DENND4A: variants seen among roughly 807,000 people sequenced by gnomAD.
The protein encoded by DENND4A is C-myc promoter-binding protein.
Under a neutral mutation model 199.3 loss-of-function variants are expected in DENND4A, and 70 were observed. That is an observed-to-expected ratio of 0.35 (90% CI 0.29 to 0.43). The LOEUF (loss-of-function observed/expected upper bound fraction) is 0.43, where lower values mean the gene tolerates loss of function less well. Ranked by LOEUF, DENND4A falls within the 20% of genes least tolerant of loss-of-function variation. The pLI, the probability that DENND4A is intolerant of heterozygous loss-of-function variation, is 1.00. For missense variants in DENND4A, 1,723 were observed against 2,255.8 expected, an observed-to-expected ratio of 0.76 and a Z score of 4.78; for synonymous variants, 686 against 766.9, an observed-to-expected ratio of 0.89 and a Z score of 1.74.
intron 14 of DENND4A, among the ~76,000 whole-genome samples, chr15:65,714,698 G>A (rs1028726475): frequency 6.6e-6 from 1 of 152,192 alleles, no homozygotes; most frequent in African/African-American, 2.4e-5. Context: ...ACTGCATGTT[G>A]TGCTCACCTT....
chr15:65,771,931 T>C, intron 1 of DENND4A: 1 of 1,607,916 alleles, frequency 6.2e-7, no homozygotes, highest in South Asian at 1.1e-5. Context: ...AAGCTTTCTA[T>C]AAGCTTTTTT....
intron 9 of DENND4A, among the ~76,000 whole-genome samples, chr15:65,729,984 T>C (rs1404389718): frequency 1.3e-5 from 2 of 152,178 alleles, no homozygotes; most frequent in Non-Finnish European, 2.9e-5. Context: ...ATCTGTCATA[T>C]AATGTCCAAA....
In DENND4A at chr15:65,729,209, A is replaced by G. The variant is rs1229113304; in HGVS notation, c.1350T>C (p.Pro450=). The change falls in exon 11 of 33, where the codon CCT becomes CCC. Residue 450 remains proline, a synonymous_variant. Transcript: ENST00000443035. Reference sequence around the variant, plus strand: ...CATCTGCTAAAGCCAGTGGGCAGAGAGGAACATACGGGCATGGCCAGTGGA... The same window carrying G: ...CATCTGCTAAAGCCAGTGGGCAGAGGGGAACATACGGGCATGGCCAGTGGA... ...FPFHWPCPYV[P]LCPLALADVL... 2.5e-6 allele frequency: 4 copies of G among 1,586,896 alleles called. No homozygotes were observed. Among genetic ancestry groups the G allele is most frequent in the Non-Finnish European group, 3.4e-6 (4 of 1,165,704 alleles).
intron 23 of DENND4A, among the ~76,000 whole-genome samples, chr15:65,683,250 T>C (rs1027430984): frequency 6.6e-6 from 1 of 152,186 alleles, no homozygotes; most frequent in Non-Finnish European, 1.5e-5. Flanking sequence ...TTAGGTGGGA[T>C]CTTTCTGATA....
intron 1 of DENND4A, among the ~76,000 whole-genome samples, chr15:65,769,198 TACACACACAC>T (rs3082834): frequency 0.022 from 3,203 of 146,364 alleles, 110 homozygotes; most frequent in African/African-American, 0.073. Context: ...ATATAAGGTA[TACACACACAC>T]ACACACACAC....
chr15:65,699,208 C>T (rs68142025), intron 20 of DENND4A, among the ~76,000 whole-genome samples: 30,963 of 152,014 alleles, frequency 0.2, 4,221 homozygotes, highest in East Asian at 0.74. Context: ...AATGAGCTTA[C>T]ATTTATTAAA....
chr15:65,681,281 A>T (rs1389481662), intron 23 of DENND4A: 1 of 152,202 alleles, frequency 6.6e-6, no homozygotes, highest in African/African-American at 2.4e-5. Context: ...TATTTCTTCC[A>T]AACTCCAGTT....
At chr15:65,714,552 T>C (rs2075341956) in intron 14 of DENND4A, among the ~76,000 whole-genome samples, 1 of 152,132 alleles carries the variant, frequency 6.6e-6, no homozygotes, top group Admixed American at 6.5e-5. Flanking sequence ...CTTAATGTGG[T>C]TTTGACAACC....
Position 65,690,662 on chromosome 15 carries a change from C to T in DENND4A, c.3932G>A (p.Ser1311Asn). Residue 1311 changes from serine to asparagine, a missense_variant, in exon 23 of 33, where the codon AGT (serine) becomes AAT (asparagine). Ser to Asn is a conservative substitution (Grantham distance 46). Transcript: ENST00000443035. ...TGGTTTCTCCTCACTTTTTGTGTAA[C>T]TTTTAGATTTGGTAAGTCTCACTGG... Reference protein sequence around the residue: ...PKPVRLTKSKSYTKSEEKPRD... With the variant: ...PKPVRLTKSKNYTKSEEKPRD... 6.2e-7 allele frequency: 1 copy of T among 1,613,666 alleles called. No homozygotes were observed. The highest frequency in any genetic ancestry group is 8.5e-7 in the Non-Finnish European group (1 of 1,179,754).
At position 65,732,712 on chromosome 15, in the gene DENND4A, C is replaced by T. The variant is rs2075997406; in HGVS notation, c.1107+40G>A. On this transcript the variant is annotated intron_variant, in intron 8 of 32. Transcript: ENST00000443035. ...TGTTACATTTTGACAGAGCCAATAA[C>T]AACTCATAGGTCCCCCAATCAAAAA... 2.5e-6 allele frequency: 3 copies of T among 1,221,540 alleles called. No homozygotes were observed. In the African/African-American group the frequency reaches 4.6e-5, roughly 19 times the overall value. The allele number at this position is 1,221,540 out of a possible 1,614,324, so 75.7% of individuals were successfully genotyped here.
At chr15:65,668,199 T>C in intron 27 of DENND4A, 76 bp from the exon 28 acceptor site, 1 of 979,322 alleles carries the variant, frequency 1.0e-6, no homozygotes, top group Non-Finnish European at 1.4e-6. Flanking sequence ...TCATGTTCTC[T>C]CTCTCTCTCT....
intron 17 of DENND4A, 123 bp downstream of exon 17, chr15:65,702,182 T>C: frequency 1.2e-6 from 1 of 832,946 alleles, no homozygotes; most frequent in Non-Finnish European, 1.9e-6. Context: ...GAGGATTGCA[T>C]CTCTTGAGCT....
At chr15:65,721,219 T>C (rs1304399040) in intron 12 of DENND4A, among the ~76,000 whole-genome samples, 3 of 151,928 alleles carry the variant, frequency 2.0e-5, no homozygotes, top group African/African-American at 7.3e-5. Context: ...ACAAATGATA[T>C]TACATGCATG....
At chr15:65,696,706 AT>A in intron 21 of DENND4A, 1 of 327,944 alleles carries the variant, frequency 3.0e-6, no homozygotes, top group South Asian at 4.5e-5. Context: ...AATACTGATC[AT>A]GCATGAGGTC....
At chr15:65,710,595 C>T (rs893913898) in intron 14 of DENND4A, among the ~76,000 whole-genome samples, 7 of 152,096 alleles carry the variant, frequency 4.6e-5, no homozygotes, top group African/African-American at 1.7e-4. Flanking sequence ...AAAAAAAACC[C>T]ACAATTGTTC....
At chr15:65,697,509 A>G in intron 20 of DENND4A, 126 bp from the exon 21 acceptor site, 4 of 614,646 alleles carry the variant, frequency 6.5e-6, no homozygotes, top group South Asian at 6.0e-5. Flanking sequence ...TTCCAACTTA[A>G]AGCATTATTT....
chr15:65,762,255 C>T (rs1216684610), intron 1 of DENND4A, among the ~76,000 whole-genome samples: 3 of 152,154 alleles, frequency 2.0e-5, no homozygotes, highest in African/African-American at 7.2e-5. Context: ...GAGCTGCCTG[C>T]CTCGGCCTCC....
At chr15:65,676,146 A>ATATATATATATATATATATATATC in intron 24 of DENND4A, among the ~76,000 whole-genome samples, 1 of 143,356 alleles carries the variant, frequency 7.0e-6, no homozygotes, top group Non-Finnish European at 1.5e-5. Context: ...GGAAAAATAT[A>ATATATATATATATATATATATATC]TATATATATA....
chr15:65,682,721 T>A (rs369740132), intron 23 of DENND4A, among the ~76,000 whole-genome samples: 1 of 152,232 alleles, frequency 6.6e-6, no homozygotes, highest in Non-Finnish European at 1.5e-5. Flanking sequence ...GCTTAATCAT[T>A]TCTAGCTTTT....
Sources: allele counts gnomAD v4.1 joint callset (sites outside exome capture counted in the v4.1 genomes callset), GRCh38; gene constraint gnomAD v4.1.1; transcripts MANE v1.5; gene names NCBI Gene and HGNC (gene_info 2026-07-23, HGNC 2026-07-21).